Variants in CADM2 observed in about 807,000 individuals in gnomAD.
CADM2 encodes immunoglobulin superfamily member 4D.
A neutral mutation model predicts 49.8 loss-of-function variants in CADM2; 12 were observed. The ratio of observed to expected loss-of-function variants is 0.24; its 90% CI spans 0.15 to 0.39. The LOEUF (loss-of-function observed/expected upper bound fraction) is 0.39. CADM2 is among the 10% of genes least tolerant of loss of function. The pLI, the probability that CADM2 is intolerant of heterozygous loss-of-function variation, is 1.00. For synonymous variants in CADM2, 214 were observed against 175.4 expected (o/e 1.22, Z -1.74); for missense variants, 378 against 492.3 (o/e 0.77, Z 2.20).
intron 7 of CADM2, among the ~76,000 whole-genome samples, chr3:85,944,412 C>T (rs935491648): frequency 1.3e-5 from 2 of 152,014 alleles, no homozygotes; most frequent in Non-Finnish European, 2.9e-5. Context: ...CAGCTCTGCA[C>T]CAAGGAGACC....
At chr3:84,968,721 C>G (rs1381269266) in intron 1 of CADM2, among the ~76,000 whole-genome samples, 1 of 151,984 alleles carries the variant, frequency 6.6e-6, no homozygotes, top group Non-Finnish European at 1.5e-5. Flanking sequence ...CTTTCACTTT[C>G]CCAAACAAAA....
chr3:85,996,170 G>A (rs1186403196), intron 8 of CADM2, among the ~76,000 whole-genome samples: 1 of 150,890 alleles, frequency 6.6e-6, no homozygotes, highest in Non-Finnish European at 1.5e-5. Context: ...CAAAAGCAGA[G>A]GGATCAAAAT....
At chr3:85,057,455 A>G (rs575015919) in intron 1 of CADM2, among the ~76,000 whole-genome samples, 1 of 152,146 alleles carries the variant, frequency 6.6e-6, no homozygotes, top group Non-Finnish European at 1.5e-5. Context: ...ATTAGAATAT[A>G]CTAACAGTGA....
At chr3:85,884,587 AT>A (rs1430938716) in intron 4 of CADM2, among the ~76,000 whole-genome samples, 1 of 152,118 alleles carries the variant, frequency 6.6e-6, no homozygotes, top group Non-Finnish European at 1.5e-5. Flanking sequence ...TGAGGCATAG[AT>A]TTTTTAAAAA....
Position 85,127,730 on chromosome 3 carries a change from G to A in CADM2, c.61+168062G>A, listed in dbSNP as rs1222047363. 2.0e-5 allele frequency among the ~76,000 whole-genome samples: 3 copies of A among 152,056 alleles called. No individual in the cohort carries two copies. The East Asian group carries it at 5.8e-4, about 29-fold the overall frequency. On this transcript the variant is annotated intron_variant, in intron 1 of 9. Transcript: ENST00000383699. ...TAGGACAGGTATCATCCTGGCTTCT[G>A]TATACCTTTAAGGATTGATTTAGGT...
At chr3:85,976,413 T>A (rs939484062) in intron 8 of CADM2, among the ~76,000 whole-genome samples, 1 of 151,594 alleles carries the variant, frequency 6.6e-6, no homozygotes, top group African/African-American at 2.4e-5. Flanking sequence ...TTTCAACTAA[T>A]TCAATTGATC....
At chr3:85,566,439 ACTCAATT>A (rs2062258560) in intron 1 of CADM2, among the ~76,000 whole-genome samples, 1 of 152,112 alleles carries the variant, frequency 6.6e-6, no homozygotes, top group African/African-American at 2.4e-5. Flanking sequence ...ATAACACATT[ACTCAATT>A]TGTCCAAGCC....
At chr3:85,574,950 G>A (rs1337560828) in intron 1 of CADM2, among the ~76,000 whole-genome samples, 1 of 152,046 alleles carries the variant, frequency 6.6e-6, no homozygotes, top group East Asian at 1.9e-4. Context: ...CATTACTCAA[G>A]CTGATTACCC....
chr3:85,964,740 TAAGA>T (rs1156907638), intron 8 of CADM2, among the ~76,000 whole-genome samples: 4 of 151,872 alleles, frequency 2.6e-5, no homozygotes, highest in Non-Finnish European at 5.9e-5. Context: ...AAGGTTCCAT[TAAGA>T]AAGAAAGTAG....
At chr3:85,942,763 T>C (rs1000446756) in intron 7 of CADM2, among the ~76,000 whole-genome samples, 6 of 152,016 alleles carry the variant, frequency 3.9e-5, no homozygotes, top group African/African-American at 1.4e-4. Flanking sequence ...GTTCCAAGTC[T>C]TTGCTATTGT....
chr3:85,061,120 T>C (rs973275507), intron 1 of CADM2, among the ~76,000 whole-genome samples: 11 of 152,168 alleles, frequency 7.2e-5, no homozygotes, highest in African/African-American at 2.7e-4. Context: ...AATTAAGTCA[T>C]ACTTTCCTTG....
intron 1 of CADM2, among the ~76,000 whole-genome samples, chr3:85,418,590 TA>T (rs1480318347): frequency 1.4e-4 from 22 of 151,942 alleles, no homozygotes; most frequent in Non-Finnish European, 8.8e-5. Context: ...AGTTACATTA[TA>T]TTTTTTTAGG....
chr3:85,536,821 T>A (rs1250744141), intron 1 of CADM2, among the ~76,000 whole-genome samples: 1 of 151,920 alleles, frequency 6.6e-6, no homozygotes, highest in East Asian at 1.9e-4. Flanking sequence ...ATATATATAT[T>A]TAATTGATGT....
chr3:85,578,860 T>G (rs1407074423), intron 1 of CADM2, among the ~76,000 whole-genome samples: 1 of 152,172 alleles, frequency 6.6e-6, no homozygotes, highest in Non-Finnish European at 1.5e-5. Context: ...TAAAGTCGAG[T>G]CATTCACACA....
chr3:85,356,971 A>G (rs922632640), intron 1 of CADM2, among the ~76,000 whole-genome samples: 2 of 152,168 alleles, frequency 1.3e-5, no homozygotes, highest in Non-Finnish European at 2.9e-5. Context: ...ATATAGAAGT[A>G]TGAAGATTAG....
At chr3:85,916,917 G>A (rs1224745212) in intron 6 of CADM2, among the ~76,000 whole-genome samples, 1 of 152,096 alleles carries the variant, frequency 6.6e-6, no homozygotes, top group Non-Finnish European at 1.5e-5. Flanking sequence ...TTTCTCTGAT[G>A]GCCAGTGATG....
At chr3:84,959,959 TC>T in intron 1 of CADM2, 1 of 522,120 alleles carries the variant, frequency 1.9e-6, no homozygotes, top group Non-Finnish European at 3.4e-6. Context: ...AGCATCCCCC[TC>T]CCACGCCTTT....
intron 1 of CADM2, among the ~76,000 whole-genome samples, chr3:85,612,208 T>C (rs2063698599): frequency 3.3e-5 from 5 of 151,874 alleles, no homozygotes; most frequent in Admixed American, 2.0e-4. Flanking sequence ...AATATCTCTT[T>C]TTCAATGCAA....
rs558557401 is a variant in CADM2, at chr3:86,022,903, A to G, written c.971-42702A>G. Among the ~76,000 whole-genome samples the G allele has an allele frequency of 2.7e-3, 413 of 152,296 alleles. 1 individual carries two copies. Among genetic ancestry groups the G allele is most frequent in the African/African-American group, 9.7e-3 (404 of 41,580 alleles). On this transcript the variant is annotated intron_variant, in intron 8 of 9. Transcript: ENST00000383699. ...TTGCAGAATCAAACATAATATGGAC[A>G]TTCTATTGCTACTTTTTTAGTAACA...
Sources: allele counts gnomAD v4.1 joint callset (sites outside exome capture counted in the v4.1 genomes callset), GRCh38; gene constraint gnomAD v4.1.1; transcripts MANE v1.5; gene names NCBI Gene and HGNC (gene_info 2026-07-23, HGNC 2026-07-21).